PPM1E: variants seen among roughly 807,000 people sequenced by gnomAD.
The protein encoded by PPM1E is protein phosphatase, Mg2+/Mn2+ dependent 1E.
Under a neutral mutation model 65.9 loss-of-function variants are expected in PPM1E, and 20 were observed. The ratio of observed to expected loss-of-function variants is 0.30; its 90% CI spans 0.21 to 0.44. The LOEUF (loss-of-function observed/expected upper bound fraction) is 0.44. Ranked by LOEUF, PPM1E falls within the 20% of genes least tolerant of loss-of-function variation. The pLI is 1.00. For missense variants in PPM1E, 713 were observed against 953.1 expected, an observed-to-expected ratio of 0.75 and a Z score of 3.32; for synonymous variants, 352 against 374.9, an observed-to-expected ratio of 0.94 and a Z score of 0.70.
chr17:58,846,242 A>C (rs1198854843), intron 1 of PPM1E, among the ~76,000 whole-genome samples: 1 of 152,150 alleles, frequency 6.6e-6, no homozygotes, highest in Non-Finnish European at 1.5e-5. Context: ...CGTTTTCCAC[A>C]GTGGTTGTAC....
chr17:58,939,873 T>C lies in PPM1E; in HGVS notation c.465-15776T>C, dbSNP rs1708115144. ...AAAATGGAAAGCACTTCAAAATATC[T>C]GTTTATATACATAAAAAGAAAAGCA... On this transcript the variant is annotated intron_variant, in intron 1 of 6. Coordinates refer to ENST00000308249, the MANE Select transcript of PPM1E (RefSeq NM_014906.5). Among the ~76,000 whole-genome samples the C allele has an allele frequency of 1.3e-5, 2 of 152,214 alleles. 1 individual carries two copies. The highest frequency in any genetic ancestry group is 4.1e-4 in the South Asian group (2 of 4,834).
intron 1 of PPM1E, among the ~76,000 whole-genome samples, chr17:58,834,193 AT>A (rs1452820892): frequency 1.3e-5 from 2 of 151,950 alleles, no homozygotes; most frequent in South Asian, 2.1e-4. Context: ...GGGTATGGCT[AT>A]TGTAAATGGG....
At chr17:58,810,993 G>T (rs1211433555) in intron 1 of PPM1E, among the ~76,000 whole-genome samples, 1 of 152,094 alleles carries the variant, frequency 6.6e-6, no homozygotes, top group East Asian at 1.9e-4. Context: ...GAGTAGGTGG[G>T]ATTACAGGCA....
intron 1 of PPM1E, among the ~76,000 whole-genome samples, chr17:58,826,538 T>C (rs1249117612): frequency 6.6e-6 from 1 of 152,194 alleles, no homozygotes; most frequent in South Asian, 2.1e-4. Flanking sequence ...ACAATAAAAT[T>C]GTTGCTTAAT....
chr17:58,774,540 A>G (rs1020715415), intron 1 of PPM1E, among the ~76,000 whole-genome samples: 2 of 152,194 alleles, frequency 1.3e-5, no homozygotes, highest in Non-Finnish European at 2.9e-5. Context: ...ATATCTGCAC[A>G]TCCTTATATT....
intron 1 of PPM1E, among the ~76,000 whole-genome samples, chr17:58,766,349 G>A (rs528553348): frequency 1.9e-4 from 28 of 150,984 alleles, no homozygotes; most frequent in Non-Finnish European, 3.1e-4. Flanking sequence ...TTACAGGTGC[G>A]GGCCACCACA....
chr17:58,811,350 A>C (rs930677613), intron 1 of PPM1E, among the ~76,000 whole-genome samples: 1 of 152,202 alleles, frequency 6.6e-6, no homozygotes, highest in Non-Finnish European at 1.5e-5. Flanking sequence ...AAATGGGTGA[A>C]CTAATATATC....
chr17:58,863,559 C>T (rs1268216412), intron 1 of PPM1E, among the ~76,000 whole-genome samples: 1 of 152,200 alleles, frequency 6.6e-6, no homozygotes, highest in African/African-American at 2.4e-5. Context: ...GGGCAGCTGC[C>T]CTCTGCCAGT....
In PPM1E at chr17:58,980,235, T is replaced by C; in HGVS notation, c.1472T>C (p.Met491Thr). ...GTTATTGTGGTATTCCTGAGGGACA[T>C]GAACAAAGCTGTAAATGTTAGTGAG... ...ITVIVVFLRD[M>T]NKAVNVSEES... The change falls in exon 7 of 7, where the codon ATG becomes ACG. Residue 491 changes from methionine (M) to threonine (T), a missense_variant. This residue lies in a region of PPM1E where 286 missense variants were observed against 313.8 expected (regional missense o/e 0.91). Transcript: ENST00000308249. The surrounding 1 kb of genome is among the most constrained non-coding windows in gnomAD (Gnocchi z 4.7). 1 of 1,614,170 alleles carries C rather than the reference T, an allele frequency of 6.2e-7. No homozygotes were observed. The highest frequency in any genetic ancestry group is 1.3e-5 in the African/African-American group (1 of 75,022).
At chr17:58,798,512 C>A (rs187861945) in intron 1 of PPM1E, among the ~76,000 whole-genome samples, 3 of 150,034 alleles carry the variant, frequency 2.0e-5, no homozygotes, top group South Asian at 2.1e-4. Flanking sequence ...CGTGATCCAC[C>A]GCACACGGCC....
intron 1 of PPM1E, among the ~76,000 whole-genome samples, chr17:58,837,016 T>C: frequency 8.7e-6 from 1 of 114,686 alleles, no homozygotes; most frequent in Non-Finnish European, 1.7e-5. Flanking sequence ...CGAAACTCCG[T>C]CTCAAAAAAA....
At chr17:58,960,711 A>T (rs955197336) in intron 2 of PPM1E, among the ~76,000 whole-genome samples, 1 of 150,816 alleles carries the variant, frequency 6.6e-6, no homozygotes, top group African/African-American at 2.4e-5. Context: ...GGTTCCAGTG[A>T]GCTGAGATCA....
At chr17:58,958,566 T>C (rs2143652221) in intron 2 of PPM1E, among the ~76,000 whole-genome samples, 1 of 151,912 alleles carries the variant, frequency 6.6e-6, no homozygotes, top group South Asian at 2.1e-4. Flanking sequence ...AGAGGAAATT[T>C]AAAAATAATA....
chr17:58,945,998 A>T (rs2052145621), intron 1 of PPM1E, among the ~76,000 whole-genome samples: 1 of 152,068 alleles, frequency 6.6e-6, no homozygotes, highest in Non-Finnish European at 1.5e-5. Flanking sequence ...TCAATCTCCC[A>T]TCTCTCTCCC....
chr17:58,820,192 C>A (rs943980867), intron 1 of PPM1E, among the ~76,000 whole-genome samples: 6 of 152,136 alleles, frequency 3.9e-5, no homozygotes, highest in African/African-American at 1.4e-4. Context: ...CAGGCCCCAC[C>A]TCCAACATTG....
At chr17:58,854,093 T>A (rs1259083359) in intron 1 of PPM1E, among the ~76,000 whole-genome samples, 1 of 152,206 alleles carries the variant, frequency 6.6e-6, no homozygotes, top group Non-Finnish European at 1.5e-5. Context: ...TTAATTTCTT[T>A]CAAAAATATT....
intron 1 of PPM1E, among the ~76,000 whole-genome samples, chr17:58,856,105 T>C (rs564308976): frequency 1.6e-4 from 25 of 152,362 alleles, no homozygotes; most frequent in African/African-American, 5.1e-4. Flanking sequence ...TTGTATGTAT[T>C]CAGCTATTGC....
chr17:58,979,902 T>C, intron 6 of PPM1E, 72 bp from the exon 7 acceptor site: 1 of 1,190,770 alleles, frequency 8.4e-7, no homozygotes, highest in Non-Finnish European at 1.2e-6. Context: ...AGTCATGGCA[T>C]TGGTCATAAA....
intron 1 of PPM1E, among the ~76,000 whole-genome samples, chr17:58,853,686 G>A (rs550643713): frequency 6.6e-6 from 1 of 151,998 alleles, no homozygotes; most frequent in Non-Finnish European, 1.5e-5. Context: ...AAATTAGTTG[G>A]GTATGATGGC....
Sources: gnomAD v4.1 joint callset for allele counts (sites outside exome capture counted in the v4.1 genomes callset) on GRCh38, gnomAD v4.1.1 for gene constraint, gnomAD v4.1.1 regional missense constraint, Gnocchi (gnomAD v3.1) non-coding constraint, MANE v1.5 for transcripts, NCBI Gene and HGNC (gene_info 2026-07-23, HGNC 2026-07-21) for gene names.